STK4: variants seen among roughly 807,000 people sequenced by gnomAD.
STK4 encodes the protein serine/threonine kinase 4, also known as serine/threonine-protein kinase 4.
A neutral mutation model predicts 64.9 loss-of-function variants in STK4; 30 were observed. The observed-to-expected ratio is 0.46, with a 90% CI of 0.35 to 0.63. STK4 has a LOEUF of 0.63. Ranked by LOEUF, STK4 falls within the 20% of genes least tolerant of loss-of-function variation. The probability of loss-of-function intolerance (pLI) is 0.01; values close to 1 mark genes in which losing one functional copy is unlikely to be tolerated. For missense variants in STK4, 466 were observed against 598.5 expected (o/e 0.78, Z 2.31); for synonymous variants, 177 against 199.0 (o/e 0.89, Z 0.93).
Position 44,999,793 on chromosome 20 carries a change from G to A in STK4, c.832-599G>A, listed in dbSNP as rs554101137. On this transcript the variant is annotated intron_variant, in intron 7 of 10. Transcript: ENST00000372806. Reference sequence around the variant, plus strand: ...TTTACCTAAATGTGTAGTTGGAAATGCTACCATAGAAAGAACAAGTCAGAT... The same window carrying A: ...TTTACCTAAATGTGTAGTTGGAAATACTACCATAGAAAGAACAAGTCAGAT... 3.9e-5 allele frequency among the ~76,000 whole-genome samples: 6 copies of A among 152,320 alleles called. No individual in the cohort carries two copies. In the East Asian group the frequency reaches 1.2e-3, roughly 29 times the overall value.
rs753251103 is a variant in STK4 at position 45,075,170 on chromosome 20, C to T, written c.1458C>T (p.Asn486=). ...AIEAKKRRQQ[N]F ...AGGCTAAGAAGAGACGGCAACAAAA[C>T]TTCTGAGCAAGGCCAGGCTGTGAGG... Residue 486 remains asparagine, a synonymous_variant, in exon 11 of 11, where the codon AAC becomes AAT. Transcript: ENST00000372806. 1 of 1,613,674 alleles carries T rather than the reference C, an allele frequency of 6.2e-7. No individual in the cohort carries two copies. Among genetic ancestry groups the T allele is most frequent in the Non-Finnish European group, 8.5e-7 (1 of 1,179,962 alleles).
chr20:45,007,870 C>T (rs891415910), intron 9 of STK4: 8 of 329,226 alleles, frequency 2.4e-5, no homozygotes, highest in Admixed American at 3.7e-5. Flanking sequence ...GCTAGTTTTT[C>T]GACCCATGGT....
intron 1 of STK4, among the ~76,000 whole-genome samples, chr20:44,971,822 T>C (rs1216757164): frequency 6.6e-6 from 1 of 151,914 alleles, no homozygotes; most frequent in African/African-American, 2.4e-5. Flanking sequence ...AGGCATGCGT[T>C]ACCACGCCCA....
intron 10 of STK4, among the ~76,000 whole-genome samples, chr20:45,027,699 C>A (rs1003125217): frequency 1.3e-5 from 2 of 152,078 alleles, no homozygotes; most frequent in African/African-American, 2.4e-5. Flanking sequence ...CTATCGAATA[C>A]TAGAACTTAT....
intron 10 of STK4, among the ~76,000 whole-genome samples, chr20:45,035,903 A>G (rs1451853936): frequency 1.3e-5 from 2 of 152,244 alleles, no homozygotes; most frequent in East Asian, 1.9e-4. Flanking sequence ...AAAATGTACT[A>G]TGTGCCAGGC....
intron 10 of STK4, among the ~76,000 whole-genome samples, chr20:45,049,600 T>A (rs6017475): frequency 0.44 from 66,232 of 152,040 alleles, 15,039 homozygotes; most frequent in Middle Eastern, 0.54. Context: ...ACTCTTCCCT[T>A]TGCCAGCTTG....
intron 2 of STK4, among the ~76,000 whole-genome samples, chr20:44,976,320 C>G (rs1035554199): frequency 7.2e-5 from 11 of 152,126 alleles, no homozygotes; most frequent in Non-Finnish European, 1.3e-4. Flanking sequence ...GGTAGGAATT[C>G]TAAAAGAAGA....
intron 10 of STK4, among the ~76,000 whole-genome samples, chr20:45,062,656 G>T (rs1376172322): frequency 6.6e-6 from 1 of 151,882 alleles, no homozygotes; most frequent in Non-Finnish European, 1.5e-5. Flanking sequence ...CTTACTGTGG[G>T]GTTTTTTTTT....
rs553496126 is a variant in STK4, at chr20:45,040,407, C to T, written c.1305+15277C>T. Among the ~76,000 whole-genome samples, 54 of 152,026 alleles carry T rather than the reference C, an allele frequency of 3.6e-4. 1 individual carries two copies. Among genetic ancestry groups the T allele is most frequent in the African/African-American group, 1.3e-3 (52 of 41,524 alleles). On this transcript the variant is annotated intron_variant, in intron 10 of 10. Coordinates refer to ENST00000372806, the MANE Select transcript of STK4 (RefSeq NM_006282.5). ...AGGGATTTTTTTTGTATCATAAATT[C>T]GTGGATTTAAAAATATTTGATCTGT... is the stretch of plus-strand genomic sequence containing the variant.
intron 10 of STK4, among the ~76,000 whole-genome samples, chr20:45,069,802 A>C (rs1600575092): frequency 6.6e-6 from 1 of 152,248 alleles, no homozygotes; most frequent in African/African-American, 2.4e-5. Flanking sequence ...TACGTTTAGC[A>C]TAGTAAACAA....
chr20:45,000,315 C>A, intron 7 of STK4, 77 bp from the exon 8 acceptor site: 1 of 1,513,408 alleles, frequency 6.6e-7, no homozygotes, highest in Non-Finnish European at 8.9e-7. Flanking sequence ...TTATCCAGTA[C>A]CTACTGTGTT....
chr20:44,978,800 T>C (rs1440869904), intron 3 of STK4, among the ~76,000 whole-genome samples: 1 of 151,144 alleles, frequency 6.6e-6, no homozygotes, highest in Non-Finnish European at 1.5e-5. Flanking sequence ...TTTCAATTTT[T>C]CTTTTTTTTT....
chr20:45,010,467 C>T (rs563411415), intron 9 of STK4, among the ~76,000 whole-genome samples: 1 of 152,206 alleles, frequency 6.6e-6, no homozygotes, highest in South Asian at 2.1e-4. Context: ...ATATATACCA[C>T]ACACTGTGAT....
At chr20:45,015,324 A>G (rs1382725907) in intron 9 of STK4, among the ~76,000 whole-genome samples, 1 of 152,196 alleles carries the variant, frequency 6.6e-6, no homozygotes, top group Non-Finnish European at 1.5e-5. Flanking sequence ...TTGTTAGAAC[A>G]TTGTCTCCCT....
intron 10 of STK4, among the ~76,000 whole-genome samples, chr20:45,067,476 T>G (rs1368044694): frequency 6.6e-6 from 1 of 152,236 alleles, no homozygotes; most frequent in Non-Finnish European, 1.5e-5. Flanking sequence ...GAGTTTGTAG[T>G]GGCAGAGGAG....
chr20:45,046,927 G>T (rs6031952), intron 10 of STK4, among the ~76,000 whole-genome samples: 1 of 151,974 alleles, frequency 6.6e-6, no homozygotes, highest in Admixed American at 6.6e-5. Flanking sequence ...TGATCTGCCC[G>T]CCTCGGCCTC....
chr20:44,986,464 A>G (rs527934964), intron 4 of STK4, among the ~76,000 whole-genome samples: 1 of 152,340 alleles, frequency 6.6e-6, no homozygotes, highest in Admixed American at 6.5e-5. Flanking sequence ...AGATGAAGTT[A>G]AAGAGGTAGC....
chr20:44,972,303 CT>C, intron 2 of STK4, 145 bp downstream of exon 2: 1 of 686,046 alleles, frequency 1.5e-6, no homozygotes, highest in South Asian at 1.9e-5. Flanking sequence ...CTTCGCTTTA[CT>C]CCAATCCCTA....
intron 10 of STK4, among the ~76,000 whole-genome samples, chr20:45,039,407 T>G (rs1008024112): frequency 2.0e-5 from 3 of 151,780 alleles, no homozygotes; most frequent in African/African-American, 7.3e-5. Context: ...CAGTGGTAGA[T>G]TCAAGTTTTC....
Sources: gnomAD v4.1 joint callset for allele counts (sites outside exome capture counted in the v4.1 genomes callset) on GRCh38, gnomAD v4.1.1 for gene constraint, MANE v1.5 for transcripts, NCBI Gene and HGNC (gene_info 2026-07-23, HGNC 2026-07-21) for gene names.